The following RBM47 variants were observed in gnomAD, a reference collection of about 807,000 sequenced individuals.
The protein encoded by RBM47 is RNA-binding protein 47.
RBM47 carries 21 observed loss-of-function variants against 47.1 expected under a neutral mutation model. The ratio of observed to expected loss-of-function variants is 0.45; its 90% CI spans 0.32 to 0.64. RBM47 has a LOEUF of 0.64. Ranked by LOEUF, RBM47 falls within the 30% of genes least tolerant of loss-of-function variation. The pLI is 0.05. For missense variants in RBM47, 708 were observed against 870.9 expected (o/e 0.81, Z 2.35); for synonymous variants, 375 against 361.7 (o/e 1.04, Z -0.42).
At chr4:40,430,829 G>A (rs1351781193) in intron 6 of RBM47, among the ~76,000 whole-genome samples, 3 of 152,226 alleles carry the variant, frequency 2.0e-5, no homozygotes, top group African/African-American at 7.2e-5. Flanking sequence ...GCTCATGCCT[G>A]TAATCCCAGC....
intron 1 of RBM47, among the ~76,000 whole-genome samples, chr4:40,602,082 C>A (rs1735331259): frequency 6.6e-6 from 1 of 151,868 alleles, no homozygotes; most frequent in Admixed American, 6.6e-5. Context: ...GCAGGAGAAT[C>A]GCTTGAGCCC....
At chr4:40,487,980 C>T (rs1721344209) in intron 2 of RBM47, among the ~76,000 whole-genome samples, 1 of 151,890 alleles carries the variant, frequency 6.6e-6, no homozygotes, top group Non-Finnish European at 1.5e-5. Context: ...TTTAGTGAAG[C>T]TTTTGATGAA....
chr4:40,520,907 C>T (rs1293592246), intron 2 of RBM47, among the ~76,000 whole-genome samples: 1 of 152,108 alleles, frequency 6.6e-6, no homozygotes, highest in Admixed American at 6.6e-5. Flanking sequence ...AAGTGAGGTC[C>T]CTGGAATGCT....
In RBM47 at chr4:40,438,370, G is replaced by C; in HGVS notation, c.524C>G (p.Thr175Ser). 6.2e-7 allele frequency: 1 copy of C among 1,612,544 alleles called. No homozygotes were observed. Residue 175 changes from threonine (T) to serine (S), a missense_variant, in exon 4 of 7, where the codon ACC (threonine) becomes AGC (serine). Transcript: ENST00000295971. ...GACGATCACGTCCAGCACGCCCTCG[G>C]TGACCTTGGCAATCTCCTCCAGGAT... ...EEILEEIAKV[T>S]EGVLDVIVYA...
At chr4:40,478,617 A>C (rs1037499497) in intron 2 of RBM47, among the ~76,000 whole-genome samples, 1 of 152,182 alleles carries the variant, frequency 6.6e-6, no homozygotes, top group Non-Finnish European at 1.5e-5. Flanking sequence ...TATTAAGGCC[A>C]CTGTGGCATC....
At chr4:40,592,962 TATATATATATATATATA>T (rs1290791365) in intron 1 of RBM47, among the ~76,000 whole-genome samples, 214 of 16,656 alleles carry the variant, frequency 0.013, no homozygotes, top group Non-Finnish European at 0.019. Flanking sequence ...TATATATATA[TATATATATATATATATA>T]TTTTTTTTTT....
intron 2 of RBM47, among the ~76,000 whole-genome samples, chr4:40,525,935 G>A (rs73147519): frequency 0.16 from 23,675 of 152,114 alleles, 1,952 homozygotes; most frequent in Admixed American, 0.2. Context: ...CTGAAGTTTG[G>A]CTCTTGCCTC....
chr4:40,563,563 C>T (rs996812268), intron 1 of RBM47, among the ~76,000 whole-genome samples: 1 of 152,176 alleles, frequency 6.6e-6, no homozygotes, highest in Admixed American at 6.5e-5. Flanking sequence ...GTGACTTTCC[C>T]AAGGTCACAC....
chr4:40,477,039 C>T (rs1719717118), intron 2 of RBM47, among the ~76,000 whole-genome samples: 1 of 151,954 alleles, frequency 6.6e-6, no homozygotes, highest in African/African-American at 2.4e-5. Context: ...GTTCGAGACT[C>T]GGGCGTGGTG....
intron 2 of RBM47, among the ~76,000 whole-genome samples, chr4:40,495,643 T>G (rs1722465837): frequency 6.6e-6 from 1 of 152,146 alleles, no homozygotes; most frequent in South Asian, 2.1e-4. Flanking sequence ...ACTCGTTCCC[T>G]GTACTGAAAA....
intron 1 of RBM47, among the ~76,000 whole-genome samples, chr4:40,575,708 G>A (rs1732233933): frequency 6.6e-6 from 1 of 152,130 alleles, no homozygotes; most frequent in African/African-American, 2.4e-5. Context: ...ACCAACCCAT[G>A]CCAGTTTGCC....
intron 2 of RBM47, among the ~76,000 whole-genome samples, chr4:40,533,729 G>A (rs1488714850): frequency 6.6e-6 from 1 of 151,930 alleles, no homozygotes; most frequent in African/African-American, 2.4e-5. Context: ...TCGACTTCCC[G>A]GGCTCAAATG....
At chr4:40,612,370 C>A (rs970875447) in intron 1 of RBM47, among the ~76,000 whole-genome samples, 3 of 152,102 alleles carry the variant, frequency 2.0e-5, no homozygotes, top group African/African-American at 7.2e-5. Context: ...AAAATAGCCA[C>A]GTGTAGTGGC....
In RBM47 at chr4:40,580,625, C is replaced by T. The variant is rs1356443687; in HGVS notation, c.-239-36119G>A. On this transcript the variant is annotated intron_variant, in intron 1 of 6. Coordinates refer to ENST00000295971, the MANE Select transcript of RBM47 (RefSeq NM_001098634.2). ...CACCAGCACGCACTGGCAGCCGCAGCCACCCGTTCTCTTTCCTTGCATTGC... is the reference window on the plus strand; with the variant it reads ...CACCAGCACGCACTGGCAGCCGCAGTCACCCGTTCTCTTTCCTTGCATTGC... 2.6e-5 allele frequency among the ~76,000 whole-genome samples: 4 copies of T among 152,222 alleles called. No homozygotes were observed. The East Asian group carries it at 7.7e-4, about 29-fold the overall frequency.
intron 1 of RBM47, among the ~76,000 whole-genome samples, chr4:40,548,414 C>T (rs143769408): frequency 3.7e-4 from 57 of 152,250 alleles, no homozygotes; most frequent in African/African-American, 1.3e-3. Context: ...AGGGAGCCAT[C>T]GGAGAATTTT....
At chr4:40,513,317 C>T (rs572560871) in intron 2 of RBM47, among the ~76,000 whole-genome samples, 1 of 152,294 alleles carries the variant, frequency 6.6e-6, no homozygotes, top group African/African-American at 2.4e-5. Context: ...TAGTACTGTC[C>T]TTGTACAGGC....
intron 6 of RBM47, among the ~76,000 whole-genome samples, chr4:40,431,434 G>A (rs1034864704): frequency 1.1e-4 from 16 of 152,110 alleles, no homozygotes; most frequent in African/African-American, 2.9e-4. Context: ...CAAGGTGGGC[G>A]GATCACGAGG....
intron 2 of RBM47, among the ~76,000 whole-genome samples, chr4:40,539,738 TCAAAAAAAAAA>T (rs1560455552): frequency 2.2e-5 from 1 of 44,548 alleles, no homozygotes. Context: ...AGACTCTGTC[TCAAAAAAAAAA>T]AAAAAAAAAA....
rs1470289779 is a variant in RBM47, at chr4:40,622,825, T to A, written c.-240+6571A>T. 2.6e-5 allele frequency among the ~76,000 whole-genome samples: 4 copies of A among 152,266 alleles called. No individual in the cohort carries two copies. In the South Asian group the frequency reaches 8.3e-4, roughly 32 times the overall value. The stretch of plus-strand genomic sequence containing the variant: ...GGAGCCTGGAAGGCAGAGGTTGCAG[T>A]GAGCTGAGATCGTGCCACTGCACTC... On this transcript the variant is annotated intron_variant, in intron 1 of 6. Transcript: ENST00000295971.
Sources: allele counts gnomAD v4.1 joint callset (sites outside exome capture counted in the v4.1 genomes callset), GRCh38; gene constraint gnomAD v4.1.1; transcripts MANE v1.5; gene names NCBI Gene and HGNC (gene_info 2026-07-23, HGNC 2026-07-21).